The following FOXP1 variants were observed in gnomAD, a reference collection of about 807,000 sequenced individuals.
The protein encoded by FOXP1 is forkhead box protein P1.
Under a neutral mutation model 98.2 loss-of-function variants are expected in FOXP1, and 15 were observed. The ratio of observed to expected loss-of-function variants is 0.15; its 90% CI spans 0.10 to 0.24. FOXP1 has a LOEUF of 0.24. Ranked by LOEUF, FOXP1 falls within the 10% of genes least tolerant of loss-of-function variation. FOXP1 has a pLI of 1.00. For synonymous variants in FOXP1, 371 were observed against 314.5 expected, an observed-to-expected ratio of 1.18 and a Z score of -1.90; for missense variants, 633 against 848.5, an observed-to-expected ratio of 0.75 and a Z score of 3.15.
At chr3:71,426,012 C>T (rs2084122852) in intron 3 of FOXP1, among the ~76,000 whole-genome samples, 1 of 152,124 alleles carries the variant, frequency 6.6e-6, no homozygotes, top group Admixed American at 6.6e-5. Context: ...CAGGTCTCTG[C>T]CCAGGACTGA....
intron 2 of FOXP1, among the ~76,000 whole-genome samples, chr3:71,535,111 G>A (rs1294901107): frequency 6.6e-6 from 1 of 152,186 alleles, no homozygotes; most frequent in African/African-American, 2.4e-5. Flanking sequence ...AAATGCCCGG[G>A]AGCAAAAGGA....
intron 5 of FOXP1, among the ~76,000 whole-genome samples, chr3:71,207,356 G>A (rs182795680): frequency 1.3e-5 from 2 of 151,266 alleles, no homozygotes; most frequent in East Asian, 2.0e-4. Context: ...CGTATCTCCC[G>A]CTTTGGCTCA....
At chr3:71,112,134 C>T (rs1350501835) in intron 7 of FOXP1, among the ~76,000 whole-genome samples, 2 of 150,590 alleles carry the variant, frequency 1.3e-5, no homozygotes, top group African/African-American at 4.9e-5. Context: ...GTGGGGGGGT[C>T]GCCAAAATCT....
intron 2 of FOXP1, among the ~76,000 whole-genome samples, chr3:71,548,237 G>A (rs978088299): frequency 3.3e-5 from 5 of 152,126 alleles, no homozygotes; most frequent in Non-Finnish European, 7.4e-5. Context: ...CCTATGAATG[G>A]AGGTTGAATG....
intron 6 of FOXP1, among the ~76,000 whole-genome samples, chr3:71,143,323 A>T (rs1291997612): frequency 6.6e-6 from 1 of 152,206 alleles, no homozygotes; most frequent in African/African-American, 2.4e-5. Context: ...TCTTCTTGGC[A>T]GACCATGCAA....
chr3:71,272,209 C>A (rs551393787), intron 5 of FOXP1, among the ~76,000 whole-genome samples: 15 of 152,034 alleles, frequency 9.9e-5, no homozygotes, highest in Non-Finnish European at 1.9e-4. Flanking sequence ...TTCTTTTGTG[C>A]AAAAGAATCA....
At position 71,445,918 on chromosome 3, in the gene FOXP1, G is replaced by A. The variant is rs527992313; in HGVS notation, c.-168+47508C>T. Among the ~76,000 whole-genome samples the A allele has an allele frequency of 4.8e-3, 729 of 152,158 alleles. 3 individuals carry two copies. Among genetic ancestry groups the A allele is most frequent in the African/African-American group, 0.016 (681 of 41,508 alleles). On this transcript the variant is annotated intron_variant, in intron 3 of 20. Coordinates refer to ENST00000649528, the MANE Select transcript of FOXP1 (RefSeq NM_001349338.3). Reference sequence around the variant, plus strand: ...GCCAGTCTGGTCTCAAACTCCTGCCGTCAGGTGATCCGCCCACCTTGGCCT... The same window carrying A: ...GCCAGTCTGGTCTCAAACTCCTGCCATCAGGTGATCCGCCCACCTTGGCCT...
At chr3:71,265,274 T>C (rs1376982099) in intron 5 of FOXP1, among the ~76,000 whole-genome samples, 1 of 152,126 alleles carries the variant, frequency 6.6e-6, no homozygotes, top group Non-Finnish European at 1.5e-5. Context: ...CTCCCACAAC[T>C]GACTTGAAGA....
At chr3:70,970,708 G>A (rs2036039661) in intron 19 of FOXP1, 28 bp downstream of exon 19, 7 of 1,562,854 alleles carry the variant, frequency 4.5e-6, no homozygotes, top group Admixed American at 1.7e-5. Context: ...TGCCTCTGCT[G>A]CATATTCGGG....
chr3:70,988,956 TGA>T (rs1000155364), intron 13 of FOXP1, among the ~76,000 whole-genome samples: 7 of 151,492 alleles, frequency 4.6e-5, no homozygotes, highest in African/African-American at 9.7e-5. Flanking sequence ...GAGATTAATA[TGA>T]GAGAGAGAGA....
intron 3 of FOXP1, among the ~76,000 whole-genome samples, chr3:71,472,628 A>G (rs1397548020): frequency 6.6e-6 from 1 of 152,162 alleles, no homozygotes; most frequent in Non-Finnish European, 1.5e-5. Flanking sequence ...CCAACAGGAA[A>G]CCCCAGTCCA....
chr3:71,000,692 G>A (rs1362529331), intron 13 of FOXP1, among the ~76,000 whole-genome samples: 2 of 151,924 alleles, frequency 1.3e-5, no homozygotes, highest in African/African-American at 4.8e-5. Context: ...ATTCAAAGTG[G>A]CCGCTGAGAG....
chr3:71,087,738 T>G (rs1336772018), intron 7 of FOXP1, among the ~76,000 whole-genome samples: 1 of 152,154 alleles, frequency 6.6e-6, no homozygotes, highest in Non-Finnish European at 1.5e-5. Context: ...ACACCTTATA[T>G]GGGTCTGAGA....
intron 14 of FOXP1, among the ~76,000 whole-genome samples, chr3:70,983,592 G>C (rs1261939876): frequency 6.6e-6 from 1 of 152,106 alleles, no homozygotes. Flanking sequence ...TGCTTTATAA[G>C]ATTTTCGTCA....
At chr3:71,186,714 G>GAACA (rs1259272498) in intron 6 of FOXP1, among the ~76,000 whole-genome samples, 3 of 151,998 alleles carry the variant, frequency 2.0e-5, no homozygotes, top group Admixed American at 1.3e-4. Context: ...CGTCTCAAAC[G>GAACA]AACAAACAAA....
chr3:71,411,870 T>C (rs569578265), intron 3 of FOXP1, among the ~76,000 whole-genome samples: 191 of 152,176 alleles, frequency 1.3e-3, no homozygotes, highest in Middle Eastern at 6.8e-3. Flanking sequence ...TCATCTGGAG[T>C]AGGGGAAGCG....
chr3:71,100,640 C>T (rs2056871549), intron 7 of FOXP1, among the ~76,000 whole-genome samples: 1 of 152,198 alleles, frequency 6.6e-6, no homozygotes, highest in Non-Finnish European at 1.5e-5. Flanking sequence ...AACTCACACA[C>T]AATTTAATCA....
Position 71,505,177 on chromosome 3 carries a change from CAT to C in FOXP1, c.-297-11624_-297-11623del, listed in dbSNP as rs577595739. ...TCCCAAAATAAAGACAACCTGGCAA[CAT>C]AGAGTTATAATTCTGTTCAGACCTC... On this transcript the variant is annotated intron_variant, in intron 2 of 20. Coordinates refer to ENST00000649528, the MANE Select transcript of FOXP1 (RefSeq NM_001349338.3). Among the ~76,000 whole-genome samples, 301 of 152,246 alleles carry C rather than the reference CAT, an allele frequency of 2.0e-3. 2 individuals carry two copies. The highest frequency in any genetic ancestry group is 7.1e-3 in the African/African-American group (293 of 41,544).
At chr3:71,160,953 C>A (rs559928222) in intron 6 of FOXP1, among the ~76,000 whole-genome samples, 4 of 152,252 alleles carry the variant, frequency 2.6e-5, no homozygotes. Flanking sequence ...TTAGGAAAGA[C>A]CAAAGACGGG....
Sources: gnomAD v4.1 joint callset for allele counts (sites outside exome capture counted in the v4.1 genomes callset) on GRCh38, gnomAD v4.1.1 for gene constraint, MANE v1.5 for transcripts, NCBI Gene and HGNC (gene_info 2026-07-23, HGNC 2026-07-21) for gene names.